The following HTT-AS variants were observed in gnomAD, a reference collection of about 807,000 sequenced individuals.
HTT-AS encodes HTT antisense RNA, also known as HTT antisense RNA (head to head).
intron 2 of HTT-AS, among the ~76,000 whole-genome samples, chr4:3,049,927 C>CAT (rs199759766): frequency 6.7e-6 from 1 of 148,254 alleles, no homozygotes; most frequent in Non-Finnish European, 1.5e-5. Flanking sequence ...CACACACACA[C>CAT]ACACACACAC....
intron 1 of HTT-AS, among the ~76,000 whole-genome samples, chr4:3,068,162 C>T (rs568603149): frequency 2.6e-5 from 4 of 151,564 alleles, no homozygotes; most frequent in Admixed American, 6.6e-5. Context: ...AAAAATTAGT[C>T]GGGCATGGTG....
At chr4:3,048,130 T>A (rs1711634776), downstream of HTT-AS, among the ~76,000 whole-genome samples, 1 of 152,168 alleles carries the variant, frequency 6.6e-6, no homozygotes, top group Non-Finnish European at 1.5e-5. Flanking sequence ...CTGTCTTTTC[T>A]TCTATCTCTT....
chr4:3,054,806 C>T (rs1396744335), intron 2 of HTT-AS, among the ~76,000 whole-genome samples: 2 of 151,820 alleles, frequency 1.3e-5, no homozygotes, highest in Non-Finnish European at 2.9e-5. Context: ...CCTCTGCCCC[C>T]TGGGTTTAAG....
chr4:3,066,109 C>T (rs1239844872), intron 1 of HTT-AS, among the ~76,000 whole-genome samples: 1 of 152,238 alleles, frequency 6.6e-6, no homozygotes, highest in Non-Finnish European at 1.5e-5. Flanking sequence ...AGGCCAAACA[C>T]CAGGGCTGCT....
chr4:3,053,757 CTTT>C (rs1163919785), intron 2 of HTT-AS, among the ~76,000 whole-genome samples: 6 of 129,080 alleles, frequency 4.6e-5, no homozygotes, highest in Non-Finnish European at 5.0e-5. Flanking sequence ...TTGCTAACTT[CTTT>C]TTTTTTTTTT....
At chr4:3,071,492 G>A (rs1378351488) in intron 1 of HTT-AS, among the ~76,000 whole-genome samples, 1 of 152,046 alleles carries the variant, frequency 6.6e-6, no homozygotes, top group African/African-American at 2.4e-5. Flanking sequence ...TTAGTTATAT[G>A]GCCATAGCTA....
At chr4:3,064,490 G>T (rs536311687) in intron 1 of HTT-AS, among the ~76,000 whole-genome samples, 2 of 152,132 alleles carry the variant, frequency 1.3e-5, no homozygotes, top group South Asian at 4.2e-4. Flanking sequence ...TAATTTCAAG[G>T]GGAGAAAAAT....
At chr4:3,057,132 C>A (rs775968667) in intron 2 of HTT-AS, among the ~76,000 whole-genome samples, 3 of 151,972 alleles carry the variant, frequency 2.0e-5, no homozygotes. Flanking sequence ...CTCCCGGGTT[C>A]AAGCAATACT....
intron 1 of HTT-AS, chr4:3,070,222 G>A (rs917575884): frequency 1.3e-5 from 2 of 151,748 alleles, no homozygotes; most frequent in Non-Finnish European, 2.9e-5. Flanking sequence ...GATATAAACC[G>A]CCCTCAATTC....
intron 1 of HTT-AS, among the ~76,000 whole-genome samples, chr4:3,069,558 C>T (rs771330507): frequency 6.6e-6 from 1 of 152,062 alleles, no homozygotes; most frequent in Non-Finnish European, 1.5e-5. Context: ...ACTGACCTCA[C>T]GTATATCAAC....
chr4:3,047,527 AGAC>A (rs1437926273), downstream of HTT-AS, among the ~76,000 whole-genome samples: 8 of 152,244 alleles, frequency 5.3e-5, no homozygotes, highest in Admixed American at 5.2e-4. Flanking sequence ...AGTGACCAGA[AGAC>A]GAGTGTGAGC....
At chr4:3,072,377 G>A (rs1032690996) in intron 1 of HTT-AS, among the ~76,000 whole-genome samples, 16 of 152,254 alleles carry the variant, frequency 1.1e-4, no homozygotes, top group African/African-American at 3.9e-4. Flanking sequence ...AACAGAGAGG[G>A]CCAGGGAGAC....
intron 2 of HTT-AS, among the ~76,000 whole-genome samples, chr4:3,059,877 C>A (rs1413907633): frequency 6.7e-6 from 1 of 149,734 alleles, no homozygotes; most frequent in Non-Finnish European, 1.5e-5. Flanking sequence ...CTGGCCTCAT[C>A]TTCTTGATAT....
chr4:3,065,388 G>A (rs575815644), intron 1 of HTT-AS, among the ~76,000 whole-genome samples: 18 of 151,552 alleles, frequency 1.2e-4, no homozygotes, highest in African/African-American at 3.2e-4. Context: ...CTACAGGCGC[G>A]CACCACCATG....
intron 1 of HTT-AS, among the ~76,000 whole-genome samples, chr4:3,067,952 T>C (rs567749729): frequency 6.6e-6 from 1 of 152,232 alleles, no homozygotes; most frequent in South Asian, 2.1e-4. Flanking sequence ...AAAAATGGCA[T>C]ATTAGTTTCA....
chr4:3,066,022 C>T (rs1182202992), intron 1 of HTT-AS, among the ~76,000 whole-genome samples: 1 of 152,200 alleles, frequency 6.6e-6, no homozygotes, highest in Non-Finnish European at 1.5e-5. Flanking sequence ...ATGAATAAAT[C>T]CAGACAAACA....
chr4:3,053,677 T>C (rs1420785931), intron 2 of HTT-AS, among the ~76,000 whole-genome samples: 1 of 151,764 alleles, frequency 6.6e-6, no homozygotes, highest in Non-Finnish European at 1.5e-5. Flanking sequence ...CTTTGGGAAA[T>C]AAAAAGTTTT....
intron 2 of HTT-AS, among the ~76,000 whole-genome samples, chr4:3,056,659 G>T (rs1424749835): frequency 6.6e-6 from 1 of 152,126 alleles, no homozygotes; most frequent in Non-Finnish European, 1.5e-5. Flanking sequence ...GTATTATAAT[G>T]CCCTGTTGCA....
intron 2 of HTT-AS, among the ~76,000 whole-genome samples, chr4:3,049,930 ACAC>A (rs1279981863): frequency 1.0e-4 from 15 of 148,526 alleles, no homozygotes; most frequent in African/African-American, 3.8e-4. Flanking sequence ...ACACACACAC[ACAC>A]ACACACACAC....
Sources: allele counts gnomAD v4.1 joint callset (sites outside exome capture counted in the v4.1 genomes callset), GRCh38; gene constraint gnomAD v4.1.1; transcripts MANE v1.5; gene names NCBI Gene and HGNC (gene_info 2026-07-23, HGNC 2026-07-21).